Variants in DNAH6 observed in about 807,000 individuals in gnomAD.
DNAH6 encodes the protein dynein axonemal heavy chain 6.
DNAH6 carries 340 observed loss-of-function variants against 491.4 expected under a neutral mutation model. The ratio of observed to expected loss-of-function variants is 0.69; its 90% CI spans 0.63 to 0.76. The LOEUF (loss-of-function observed/expected upper bound fraction) is 0.76, where lower values mean the gene tolerates loss of function less well. Among genes scored for constraint, DNAH6 ranks in the 30% least tolerant of loss-of-function variants. DNAH6 has a pLI of 0.00. For missense variants in DNAH6, 4,443 were observed against 4,972.2 expected (o/e 0.89, Z 3.20); for synonymous variants, 1,603 against 1,686.1 (o/e 0.95, Z 1.21).
rs970041137 is a variant in DNAH6 at position 84,621,283 on chromosome 2, G to A, written c.3885G>A (p.Leu1295=). ...CCATGTTCACATCTCTGCGTCGCCT[G>A]TGCAAAGCTGCCATCGCTGACTATC... ...EEAMFTSLRR[L]CKAAIADYQG... is the part of the protein sequence containing the mutation. Residue 1295 remains leucine (L), a synonymous_variant, in exon 25 of 77, where the codon CTG becomes CTA. Transcript: ENST00000389394. The A allele has an allele frequency of 6.4e-7, 1 of 1,551,496 alleles. No individual in the cohort carries two copies. The highest frequency in any genetic ancestry group is 1.4e-5 in the African/African-American group (1 of 73,046).
At chr2:84,743,497 T>A (rs1394067847) in intron 62 of DNAH6, among the ~76,000 whole-genome samples, 1 of 152,224 alleles carries the variant, frequency 6.6e-6, no homozygotes, top group Non-Finnish European at 1.5e-5. Context: ...GATTTCTAAG[T>A]GCTTCGTGTC....
chr2:84,673,825 T>C (rs933592709), intron 40 of DNAH6, among the ~76,000 whole-genome samples: 6 of 150,946 alleles, frequency 4.0e-5, no homozygotes, highest in Non-Finnish European at 8.8e-5. Flanking sequence ...AATTAAGGGT[T>C]GGTTAAGGGT....
chr2:84,556,857 C>T (rs538665022), intron 10 of DNAH6, among the ~76,000 whole-genome samples: 6 of 152,256 alleles, frequency 3.9e-5, no homozygotes, highest in African/African-American at 1.4e-4. Context: ...AGCTTTTTCT[C>T]ATGTCATTAA....
At chr2:84,508,820 A>T in the DNAH6 span, among the ~76,000 whole-genome samples, 1 of 152,230 alleles carries the variant, frequency 6.6e-6, no homozygotes, top group Admixed American at 6.5e-5. Flanking sequence ...TCATTTCGTT[A>T]TGTACCCAGT....
At chr2:84,531,140 G>C (rs1677130150) in intron 4 of DNAH6, among the ~76,000 whole-genome samples, 1 of 152,162 alleles carries the variant, frequency 6.6e-6, no homozygotes, top group African/African-American at 2.4e-5. Flanking sequence ...CCAGGTCATA[G>C]GTAGATGAGA....
At chr2:84,462,471 G>A in the DNAH6 span, among the ~76,000 whole-genome samples, 5 of 152,294 alleles carry the variant, frequency 3.3e-5, no homozygotes, top group East Asian at 3.9e-4. Flanking sequence ...CCTGAGTCAC[G>A]AGTGCATCCT....
chr2:84,781,033 A>G (rs1327619389), intron 64 of DNAH6, among the ~76,000 whole-genome samples: 1 of 152,062 alleles, frequency 6.6e-6, no homozygotes, highest in Non-Finnish European at 1.5e-5. Context: ...ACATGTGCAC[A>G]TTTGCGTTGT....
intron 21 of DNAH6, among the ~76,000 whole-genome samples, chr2:84,607,602 A>T (rs979283968): frequency 7.9e-5 from 12 of 152,190 alleles, no homozygotes; most frequent in Non-Finnish European, 1.6e-4. Flanking sequence ...ATACCCATTT[A>T]AAAAACCTGC....
intron 65 of DNAH6, among the ~76,000 whole-genome samples, chr2:84,782,842 T>C (rs1400221571): frequency 6.6e-6 from 1 of 152,088 alleles, no homozygotes; most frequent in Non-Finnish European, 1.5e-5. Flanking sequence ...AAAAAGCAAT[T>C]TACTGTGGTG....
At chr2:84,762,312 G>C (rs1674671454) in intron 63 of DNAH6, among the ~76,000 whole-genome samples, 1 of 152,094 alleles carries the variant, frequency 6.6e-6, no homozygotes, top group African/African-American at 2.4e-5. Context: ...TGCCATCAAG[G>C]GAAGATCTCT....
At chr2:84,520,948 G>T (rs540370595) in intron 2 of DNAH6, among the ~76,000 whole-genome samples, 3 of 151,936 alleles carry the variant, frequency 2.0e-5, no homozygotes, top group Admixed American at 6.6e-5. Flanking sequence ...TTACTGGCTC[G>T]AATGGGAGTT....
intron 29 of DNAH6, among the ~76,000 whole-genome samples, chr2:84,632,334 A>G (rs1446386790): frequency 6.6e-6 from 1 of 152,172 alleles, no homozygotes; most frequent in Non-Finnish European, 1.5e-5. Context: ...CAGCCGTGTC[A>G]GGGCTGGATT....
chr2:84,694,609 C>T, intron 46 of DNAH6, 129 bp downstream of exon 46: 1 of 633,124 alleles, frequency 1.6e-6, no homozygotes, highest in Non-Finnish European at 2.7e-6. Context: ...TTTCCTGCAG[C>T]TTGTAAAAGA....
At chr2:84,550,135 C>A in intron 9 of DNAH6, 78 bp downstream of exon 9, 2 of 1,170,010 alleles carry the variant, frequency 1.7e-6, no homozygotes, top group Non-Finnish European at 2.4e-6. Flanking sequence ...ATGAATTATG[C>A]TATTTTCTGT....
chr2:84,775,357 A>G (rs1435676674), intron 64 of DNAH6, among the ~76,000 whole-genome samples: 1 of 152,150 alleles, frequency 6.6e-6, no homozygotes, highest in Admixed American at 6.5e-5. Flanking sequence ...CCAGGAATGA[A>G]GCCTACTTGG....
chr2:84,630,845 TAAC>T (rs1350024441), intron 29 of DNAH6, among the ~76,000 whole-genome samples: 2 of 152,178 alleles, frequency 1.3e-5, no homozygotes, highest in Non-Finnish European at 2.9e-5. Context: ...TGCTTTAAAA[TAAC>T]AACAAAAAAT....
At chr2:84,755,245 T>C (rs960498821) in intron 63 of DNAH6, among the ~76,000 whole-genome samples, 10 of 152,200 alleles carry the variant, frequency 6.6e-5, no homozygotes, top group African/African-American at 2.4e-4. Flanking sequence ...AAAAGCAAGT[T>C]TGGGCCTCTC....
At chr2:84,695,906 A>G (rs1246690819) in intron 46 of DNAH6, among the ~76,000 whole-genome samples, 5 of 152,100 alleles carry the variant, frequency 3.3e-5, no homozygotes. Context: ...ACAAAAAGTT[A>G]CTACATTCTG....
chr2:84,642,132 T>G, intron 33 of DNAH6, 78 bp downstream of exon 33: 1 of 976,562 alleles, frequency 1.0e-6, no homozygotes. Context: ...AATTATTTCT[T>G]TCTCTAACAA....
Sources: gnomAD v4.1 joint callset for allele counts (sites outside exome capture counted in the v4.1 genomes callset) on GRCh38, gnomAD v4.1.1 for gene constraint, MANE v1.5 for transcripts, NCBI Gene and HGNC (gene_info 2026-07-23, HGNC 2026-07-21) for gene names.